PCDH15: variants seen among roughly 807,000 people sequenced by gnomAD.
PCDH15 encodes the protein protocadherin-15.
In PCDH15, 129 loss-of-function variants were observed where a neutral mutation model predicts 178.5. The observed-to-expected ratio is 0.72, with a 90% confidence interval of 0.63 to 0.84. PCDH15 has a LOEUF of 0.84. PCDH15 is among the 40% of genes least tolerant of loss of function. The pLI, the probability that PCDH15 is intolerant of heterozygous loss-of-function variation, is 0.00. For synonymous variants in PCDH15, 800 were observed against 732.0 expected (o/e 1.09, Z -1.50); for missense variants, 2,230 against 2,099.9 (o/e 1.06, Z -1.21).
intron 2 of PCDH15, among the ~76,000 whole-genome samples, chr10:55,417,237 A>G (rs1393145981): frequency 6.6e-6 from 1 of 151,786 alleles, no homozygotes; most frequent in Non-Finnish European, 1.5e-5. Flanking sequence ...GCAGAGATTG[A>G]GATCTTGTGG....
At chr10:54,905,444 G>A (rs1044559702) in intron 2 of PCDH15, among the ~76,000 whole-genome samples, 7 of 152,092 alleles carry the variant, frequency 4.6e-5, no homozygotes, top group African/African-American at 1.7e-4. Context: ...CAAGCATGCT[G>A]TCAAAGAAAT....
intron 2 of PCDH15, among the ~76,000 whole-genome samples, chr10:55,438,120 C>A (rs1328199561): frequency 1.3e-5 from 2 of 151,750 alleles, no homozygotes; most frequent in African/African-American, 2.4e-5. Flanking sequence ...CAGGCATGAG[C>A]CCCTGCGCCT....
chr10:54,625,599 T>A (rs1359350128), intron 2 of PCDH15, among the ~76,000 whole-genome samples: 1 of 152,158 alleles, frequency 6.6e-6, no homozygotes, highest in Non-Finnish European at 1.5e-5. Context: ...ATGTAAGATG[T>A]CACTTGCTCC....
chr10:54,780,840 G>T (rs1481838925), intron 1 of PCDH15, among the ~76,000 whole-genome samples: 1 of 151,468 alleles, frequency 6.6e-6, no homozygotes, highest in Non-Finnish European at 1.5e-5. Flanking sequence ...TAGTAGCTTT[G>T]AATGATATAG....
At chr10:54,845,236 A>G (rs1237041233) in intron 3 of PCDH15, among the ~76,000 whole-genome samples, 1 of 152,018 alleles carries the variant, frequency 6.6e-6, no homozygotes, top group Non-Finnish European at 1.5e-5. Flanking sequence ...AAAATAGCAC[A>G]GAAAACAATG....
intron 2 of PCDH15, among the ~76,000 whole-genome samples, chr10:55,138,762 CT>C (rs1564829735): frequency 2.0e-5 from 3 of 152,096 alleles, no homozygotes; most frequent in African/African-American, 7.2e-5. Flanking sequence ...CAAAATTGTA[CT>C]GTGTCCTCCC....
At chr10:54,662,192 C>T (rs1486906828) in intron 2 of PCDH15, among the ~76,000 whole-genome samples, 1 of 151,578 alleles carries the variant, frequency 6.6e-6, no homozygotes, top group Admixed American at 6.6e-5. Flanking sequence ...ATAAGAAAAA[C>T]AAATCAACAA....
intron 15 of PCDH15, among the ~76,000 whole-genome samples, chr10:54,108,758 G>A (rs1259852698): frequency 6.6e-6 from 1 of 152,116 alleles, no homozygotes; most frequent in East Asian, 1.9e-4. Context: ...AGAGAAGAGG[G>A]AATTGTAAAG....
chr10:54,278,246 G>T (rs1345177936), intron 8 of PCDH15, among the ~76,000 whole-genome samples: 1 of 151,438 alleles, frequency 6.6e-6, no homozygotes, highest in Non-Finnish European at 1.5e-5. Flanking sequence ...TTAGTAAAAA[G>T]AAGGACTCAA....
chr10:55,524,708 C>T (rs991836016), intron 2 of PCDH15, among the ~76,000 whole-genome samples: 8 of 151,438 alleles, frequency 5.3e-5, no homozygotes, highest in Non-Finnish European at 1.2e-4. Flanking sequence ...TCAGAAAGCA[C>T]TGAGGTATTG....
chr10:55,227,189 G>A (rs1246288559), intron 1 of PCDH15, among the ~76,000 whole-genome samples: 3 of 151,680 alleles, frequency 2.0e-5, no homozygotes, highest in Non-Finnish European at 4.4e-5. Flanking sequence ...AGATGAAAGA[G>A]GTCAGAAATC....
intron 2 of PCDH15, among the ~76,000 whole-genome samples, chr10:55,345,408 G>A (rs184493331): frequency 3.3e-5 from 5 of 152,054 alleles, no homozygotes; most frequent in African/African-American, 9.6e-5. Flanking sequence ...CCATCATCAT[G>A]TTGTATAAAA....
chr10:55,344,046 T>C (rs4306216), intron 2 of PCDH15, among the ~76,000 whole-genome samples: 82,574 of 151,778 alleles, frequency 0.54, 22,931 homozygotes, highest in African/African-American at 0.64. Context: ...GAGGTAGTAT[T>C]TGAATACACA....
chr10:55,039,431 T>A (rs916944387), intron 2 of PCDH15, among the ~76,000 whole-genome samples: 1 of 152,144 alleles, frequency 6.6e-6, no homozygotes, highest in Non-Finnish European at 1.5e-5. Flanking sequence ...CTAAGAATAT[T>A]CCTCTTCCAG....
At chr10:55,378,116 G>T (rs1200675627) in intron 2 of PCDH15, among the ~76,000 whole-genome samples, 3 of 152,092 alleles carry the variant, frequency 2.0e-5, no homozygotes, top group African/African-American at 7.2e-5. Flanking sequence ...TAGATGACGG[G>T]TTGATGGGTG....
intron 2 of PCDH15, among the ~76,000 whole-genome samples, chr10:55,132,609 G>A (rs555920914): frequency 4.6e-5 from 7 of 152,054 alleles, no homozygotes; most frequent in Admixed American, 2.0e-4. Context: ...TTAAATGTTC[G>A]TTTTCACTCA....
intron 2 of PCDH15, among the ~76,000 whole-genome samples, chr10:54,551,077 C>T: frequency 7.3e-6 from 1 of 137,896 alleles, no homozygotes; most frequent in East Asian, 2.2e-4. Context: ...ATCTCCTGTA[C>T]CTGGGAGGCA....
At chr10:54,237,722 G>A (rs2054779226) in intron 8 of PCDH15, among the ~76,000 whole-genome samples, 1 of 152,122 alleles carries the variant, frequency 6.6e-6, no homozygotes, top group South Asian at 2.1e-4. Flanking sequence ...TACAAAAACA[G>A]GTGGTAAGTT....
intron 2 of PCDH15, among the ~76,000 whole-genome samples, chr10:55,469,846 T>C (rs1250458878): frequency 6.6e-6 from 1 of 152,046 alleles, no homozygotes. Context: ...TTAGTATTTG[T>C]GCCATACTTA....
Sources: allele counts gnomAD v4.1 joint callset (sites outside exome capture counted in the v4.1 genomes callset), GRCh38; gene constraint gnomAD v4.1.1; transcripts MANE v1.5; gene names NCBI Gene and HGNC (gene_info 2026-07-23, HGNC 2026-07-21).